The following DNAJC1 variants were observed in gnomAD, a reference collection of about 807,000 sequenced individuals.
DNAJC1 encodes DnaJ heat shock protein family (Hsp40) member C1.
A neutral mutation model predicts 76.6 loss-of-function variants in DNAJC1; 58 were observed. That is an observed-to-expected ratio of 0.76 (90% CI 0.61 to 0.94). The LOEUF is 0.94. Among genes scored for constraint, DNAJC1 ranks in the 40% least tolerant of loss-of-function variants. The pLI is 0.00. For missense variants in DNAJC1, 689 were observed against 677.3 expected (o/e 1.02, Z -0.19); for synonymous variants, 258 against 267.9 (o/e 0.96, Z 0.36).
intron 1 of DNAJC1, among the ~76,000 whole-genome samples, chr10:21,958,431 CTTT>C (rs554641280): frequency 2.1e-5 from 3 of 141,208 alleles, no homozygotes; most frequent in African/African-American, 2.6e-5. Flanking sequence ...ACAGATTTGT[CTTT>C]TTTTTTTTTT....
chr10:21,969,249 A>G (rs1837938124), intron 1 of DNAJC1, among the ~76,000 whole-genome samples: 1 of 151,688 alleles, frequency 6.6e-6, no homozygotes, highest in African/African-American at 2.4e-5. Context: ...AAAAAGGAGG[A>G]AAATCCTAGG....
At chr10:21,834,030 T>C (rs1360409651) in intron 8 of DNAJC1, among the ~76,000 whole-genome samples, 1 of 151,740 alleles carries the variant, frequency 6.6e-6, no homozygotes, top group Non-Finnish European at 1.5e-5. Flanking sequence ...TTTGGGAGGC[T>C]GAGGTGGGCG....
At chr10:21,980,816 G>T (rs1354026340) in intron 1 of DNAJC1, among the ~76,000 whole-genome samples, 1 of 152,042 alleles carries the variant, frequency 6.6e-6, no homozygotes, top group Non-Finnish European at 1.5e-5. Context: ...TATTTCTTAA[G>T]TCTAATATTT....
At chr10:21,828,456 C>T (rs1732914377) in intron 8 of DNAJC1, among the ~76,000 whole-genome samples, 1 of 152,180 alleles carries the variant, frequency 6.6e-6, no homozygotes, top group Non-Finnish European at 1.5e-5. Flanking sequence ...AAATATTTTA[C>T]AAGTTAATGT....
intron 9 of DNAJC1, among the ~76,000 whole-genome samples, chr10:21,790,150 T>G (rs946003263): frequency 4.8e-5 from 5 of 104,922 alleles, no homozygotes; most frequent in African/African-American, 1.8e-4. Context: ...AAGCAAAAAA[T>G]CAAAAAAGTA....
At chr10:21,854,209 T>C (rs1038779223) in intron 8 of DNAJC1, among the ~76,000 whole-genome samples, 3 of 152,088 alleles carry the variant, frequency 2.0e-5, no homozygotes, top group African/African-American at 7.2e-5. Context: ...ATCTCAATTC[T>C]TCCTAAAAGG....
intron 8 of DNAJC1, among the ~76,000 whole-genome samples, chr10:21,866,970 T>C (rs1836011482): frequency 6.6e-6 from 1 of 152,100 alleles, no homozygotes; most frequent in Non-Finnish European, 1.5e-5. Context: ...TTTAAGTAAA[T>C]GGGAAATCAG....
intron 8 of DNAJC1, among the ~76,000 whole-genome samples, chr10:21,820,831 A>G (rs1000114077): frequency 1.3e-5 from 2 of 152,200 alleles, no homozygotes; most frequent in African/African-American, 4.8e-5. Flanking sequence ...AGATATTACA[A>G]AAGATACAGG....
chr10:21,926,501 A>G (rs1343754661), intron 3 of DNAJC1, among the ~76,000 whole-genome samples: 4 of 152,182 alleles, frequency 2.6e-5, no homozygotes, highest in Non-Finnish European at 5.9e-5. Context: ...TGATACCAAA[A>G]TGCATTTTTT....
intron 9 of DNAJC1, chr10:21,785,615 G>C (rs920888043): frequency 2.6e-5 from 4 of 152,188 alleles, no homozygotes; most frequent in African/African-American, 7.2e-5. Flanking sequence ...TTGTTGAAGG[G>C]ATAGTCTGGC....
chr10:21,856,726 C>T (rs1353533854), intron 8 of DNAJC1, among the ~76,000 whole-genome samples: 3 of 151,886 alleles, frequency 2.0e-5, no homozygotes, highest in African/African-American at 7.3e-5. Context: ...TCACTAATGA[C>T]ACATAGAAAA....
chr10:21,968,292 A>G (rs1183258011), intron 1 of DNAJC1, among the ~76,000 whole-genome samples: 1 of 152,176 alleles, frequency 6.6e-6, no homozygotes, highest in Non-Finnish European at 1.5e-5. Context: ...TAAGCAGTGT[A>G]TTTTACATAT....
chr10:21,786,290 A>G (rs1834606378), intron 9 of DNAJC1, among the ~76,000 whole-genome samples: 1 of 151,858 alleles, frequency 6.6e-6, no homozygotes, highest in Non-Finnish European at 1.5e-5. Flanking sequence ...CAGATCATAC[A>G]TTAAGAAGAA....
At chr10:21,904,332 G>A (rs1240860827) in intron 7 of DNAJC1, among the ~76,000 whole-genome samples, 190 bp downstream of exon 7, 3 of 151,638 alleles carry the variant, frequency 2.0e-5, no homozygotes, top group Non-Finnish European at 2.9e-5. Context: ...CAAACTTTGG[G>A]TGGTAAAGTA....
intron 9 of DNAJC1, among the ~76,000 whole-genome samples, chr10:21,795,976 T>A (rs2131636960): frequency 6.6e-6 from 1 of 151,622 alleles, no homozygotes; most frequent in Middle Eastern, 3.4e-3. Context: ...TCCGCTTTTT[T>A]TTTTTTTTTT....
intron 11 of DNAJC1, 29 bp downstream of exon 11, chr10:21,759,141 G>A: frequency 6.3e-7 from 1 of 1,594,762 alleles, no homozygotes; most frequent in Non-Finnish European, 8.5e-7. Context: ...TCTAACACCT[G>A]TGCAGAGGCC....
chr10:21,887,254 G>GA (rs1836381466), intron 7 of DNAJC1, among the ~76,000 whole-genome samples: 2 of 152,114 alleles, frequency 1.3e-5, no homozygotes, highest in Non-Finnish European at 2.9e-5. Flanking sequence ...CAAACAAGTG[G>GA]AAAAACATCC....
At chr10:21,835,392 A>T (rs1835433368) in intron 8 of DNAJC1, among the ~76,000 whole-genome samples, 1 of 152,174 alleles carries the variant, frequency 6.6e-6, no homozygotes, top group Admixed American at 6.5e-5. Flanking sequence ...CAGAGCAGAA[A>T]AACTGGAAAC....
At chr10:21,973,389 C>G (rs888262445) in intron 1 of DNAJC1, among the ~76,000 whole-genome samples, 9 of 152,156 alleles carry the variant, frequency 5.9e-5, no homozygotes, top group Non-Finnish European at 1.2e-4. Flanking sequence ...GCTGAAGGTA[C>G]ATAACCAATG....
Sources: allele counts gnomAD v4.1 joint callset (sites outside exome capture counted in the v4.1 genomes callset), GRCh38; gene constraint gnomAD v4.1.1; transcripts MANE v1.5; gene names NCBI Gene and HGNC (gene_info 2026-07-23, HGNC 2026-07-21).